HUWE1: variants seen among roughly 807,000 people sequenced by gnomAD.
HUWE1 encodes the protein E3 ubiquitin-protein ligase HUWE1.
HUWE1 carries 18 observed loss-of-function variants against 299.4 expected under a neutral mutation model. That is an observed-to-expected ratio of 0.06 (90% confidence interval 0.04 to 0.09). The LOEUF (loss-of-function observed/expected upper bound fraction) is 0.09. Ranked by LOEUF, HUWE1 falls within the 10% of genes least tolerant of loss-of-function variation. The pLI, the probability that HUWE1 is intolerant of heterozygous loss-of-function variation, is 1.00. For synonymous variants in HUWE1, 1,317 were observed against 1,286.1 expected, an observed-to-expected ratio of 1.02 and a Z score of -0.51; for missense variants, 1,832 against 3,462.3, an observed-to-expected ratio of 0.53 and a Z score of 11.82.
rs782755235 is a variant in HUWE1, at chrX:53,645,331, G to A, written c.484C>T (p.Arg162Trp). The change falls in exon 7 of 84, where the codon CGG (arginine) becomes TGG (tryptophan). Residue 162 changes from arginine to tryptophan, a missense_variant. Arg to Trp is a moderately radical substitution (Grantham distance 101). Around this residue, in one of 15 missense-constraint regions of HUWE1, gnomAD observed 658 missense variants for 1,282.6 expected, o/e 0.51. Transcript: ENST00000262854. ...CTCACCTCTGCCAAATGTTGTAGCC[G>A]AGTTAGCAGCGGGGTCCTCTTGTCA... The part of the protein sequence containing the change: ...GSDKRTPLLT[R>W]LQHLAESWGG... 1 of 1,211,045 alleles carries A rather than the reference G, an allele frequency of 8.3e-7. No individual in the cohort carries two copies. Among genetic ancestry groups the A allele is most frequent in the Admixed American group, 2.2e-5 (1 of 45,914 alleles).
intron 25 of HUWE1, among the ~76,000 whole-genome samples, chrX:53,606,861 T>C (rs2065179505): frequency 1.8e-5 from 2 of 111,572 alleles, no homozygotes; most frequent in Non-Finnish European, 3.8e-5. Flanking sequence ...AATTTCATTT[T>C]TGCAAGATGA....
intron 4 of HUWE1, 35 bp downstream of exon 4, chrX:53,654,028 G>GA: frequency 9.4e-7 from 1 of 1,063,703 alleles, no homozygotes; most frequent in Non-Finnish European, 1.3e-6. Flanking sequence ...TTTTAATGAA[G>GA]AAAAAATAAG....
intron 7 of HUWE1, among the ~76,000 whole-genome samples, chrX:53,644,424 T>C (rs1313316071): frequency 4.5e-5 from 5 of 111,902 alleles, no homozygotes; most frequent in Non-Finnish European, 9.4e-5. Flanking sequence ...AACCTCCTTG[T>C]GGTTTTTAAT....
At chrX:53,541,831 A>G (rs1247403253) in intron 74 of HUWE1, among the ~76,000 whole-genome samples, 1 of 111,858 alleles carries the variant, frequency 8.9e-6, no homozygotes, top group East Asian at 2.8e-4. Context: ...ATGTTACTGT[A>G]TCTTAGCTTA....
In HUWE1 at chrX:53,554,661, C is replaced by T. The variant is rs369011487; in HGVS notation, c.8466G>A (p.Gln2822=). The T allele has an allele frequency of 8.3e-7, 1 of 1,211,291 alleles. No individual in the cohort carries two copies. Among genetic ancestry groups the T allele is most frequent in the Non-Finnish European group, 1.1e-6 (1 of 895,353 alleles). Residue 2822 remains glutamine, a synonymous_variant, in exon 61 of 84, where the codon CAG becomes CAA. Coordinates refer to ENST00000262854, the MANE Select transcript of HUWE1 (RefSeq NM_031407.7). ...TAGTGGGAGCTGGGGATAACTCCAT[C>T]TGAGTTGTTTCTGCTTCCCCACTTG... is the stretch of plus-strand genomic sequence containing the variant. ...TRPSGEAETT[Q]MELSPAPTIT...
At chrX:53,584,661 T>G (rs2063774967) in intron 40 of HUWE1, among the ~76,000 whole-genome samples, 1 of 111,665 alleles carries the variant, frequency 9.0e-6, no homozygotes, top group Admixed American at 9.4e-5. Context: ...GTCTAATCAA[T>G]GACCTTAGGA....
intron 7 of HUWE1, among the ~76,000 whole-genome samples, chrX:53,640,577 G>T (rs2067521896): frequency 9.0e-6 from 1 of 111,678 alleles, no homozygotes; most frequent in African/African-American, 3.3e-5. Flanking sequence ...ACCAAAGGCT[G>T]CAATGTACTG....
intron 4 of HUWE1, 49 bp downstream of exon 4, chrX:53,654,014 T>A (rs112961003): frequency 9.6e-6 from 9 of 941,757 alleles, no homozygotes; most frequent in Middle Eastern, 7.2e-4. Context: ...AATATTTTTT[T>A]ATTTTTTAAT....
chrX:53,570,796 G>A (rs1238141849), intron 47 of HUWE1, among the ~76,000 whole-genome samples: 1 of 111,975 alleles, frequency 8.9e-6, no homozygotes, highest in Non-Finnish European at 1.9e-5. Context: ...GCACAACACT[G>A]CGAATGTACT....
Position 53,647,550 on chromosome X carries a change from G to A in HUWE1, c.169C>T (p.Leu57=), listed in dbSNP as rs2068137214. The change falls in exon 6 of 84, where the codon CTG becomes TTG. Residue 57 remains leucine, a synonymous_variant. Coordinates refer to ENST00000262854, the MANE Select transcript of HUWE1 (RefSeq NM_031407.7). Reference sequence around the variant, plus strand: ...AGTATTCCATCGAAGCGGTCCAACAGGTCCACCCAGTGATATAACTCGCAC... The same window carrying A: ...AGTATTCCATCGAAGCGGTCCAACAAGTCCACCCAGTGATATAACTCGCAC... The part of the protein sequence containing the change: ...GKCELYHWVD[L]LDRFDGILAD... The A allele has an allele frequency of 4.1e-6, 5 of 1,206,060 alleles. No homozygotes were observed. In the South Asian group the frequency reaches 7.0e-5, roughly 17 times the overall value.
intron 55 of HUWE1, 37 bp downstream of exon 55, chrX:53,561,719 C>CA: frequency 7.4e-6 from 9 of 1,210,019 alleles, no homozygotes; most frequent in Non-Finnish European, 1.0e-5. Context: ...GTATAAGAAT[C>CA]AAGAGAGAAA....
At position 53,593,386 on chromosome X, in the gene HUWE1, C is replaced by T. The variant is rs781998378; in HGVS notation, c.3719G>A (p.Arg1240His). The change falls in exon 32 of 84, where the codon CGC becomes CAC. Residue 1240 changes from arginine (R) to histidine (H), a missense_variant. By Grantham distance (29) the Arg-to-His change is conservative. Coordinates refer to ENST00000262854, the MANE Select transcript of HUWE1 (RefSeq NM_031407.7). ...CACTTTCTGAGTTACCACAAGGAAG[C>T]GCAGTGCACTGAACTGGGGAAAGTT... The part of the protein sequence containing the change: ...VQNFPQFSAL[R>H]FLVVTQKAAF... 5.0e-6 allele frequency: 6 copies of T among 1,195,637 alleles called. No individual in the cohort carries two copies. The highest frequency in any genetic ancestry group is 1.8e-5 in the South Asian group (1 of 56,455).
intron 48 of HUWE1, 33 bp from the exon 49 acceptor site, chrX:53,568,907 G>A: frequency 8.9e-7 from 1 of 1,125,708 alleles, no homozygotes; most frequent in Non-Finnish European, 1.2e-6. Flanking sequence ...TCTATCATAT[G>A]AATATAGCCA....
rs1556943397 is a variant in HUWE1, at chrX:53,563,875, G to A, written c.7030-54C>T. On this transcript the variant is annotated intron_variant, in intron 51 of 83. Transcript: ENST00000262854. ...TGCACACAAGTCTATCATTGTGCTA[G>A]CACCGAAACCCTAAAAAAGGCCAGC... The A allele has an allele frequency of 2.6e-6, 3 of 1,147,394 alleles. No individual in the cohort carries two copies. The African/African-American group carries it at 5.4e-5, about 20-fold the overall frequency. The allele number at this position is 1,147,394 out of a possible 1,213,427, so 94.6% of individuals were successfully genotyped here.
In HUWE1 at chrX:53,593,464, G is replaced by A. The variant is rs782621365; in HGVS notation, c.3641C>T (p.Thr1214Met). 9.1e-6 allele frequency: 11 copies of A among 1,208,781 alleles called. No homozygotes were observed. Among genetic ancestry groups the A allele is most frequent in the South Asian group, 7.0e-5 (4 of 56,780 alleles). ...CAGCGAATGTGGAGATTCAAGCACC[G>A]TGGTGGGATTCACCATCTTCTCCAC... ...MLVEKMVNPT[T>M]VLESPHSLPA... Residue 1214 changes from threonine (T) to methionine (M), a missense_variant, in exon 32 of 84, where the codon ACG becomes ATG. Physicochemically the swap from Thr to Met is moderately conservative, Grantham distance 81. Around this residue, in one of 15 missense-constraint regions of HUWE1, gnomAD observed 658 missense variants for 1,282.6 expected, o/e 0.51. Transcript: ENST00000262854.
chrX:53,633,697 TTG>T (rs1411888356), intron 8 of HUWE1, among the ~76,000 whole-genome samples: 4 of 112,530 alleles, frequency 3.6e-5, no homozygotes, highest in African/African-American at 1.3e-4. Flanking sequence ...GAAAATCAAA[TTG>T]TGTTTTGTAG....
intron 45 of HUWE1, 70 bp downstream of exon 45, chrX:53,575,573 C>T (rs2063063949): frequency 9.6e-7 from 1 of 1,039,962 alleles, no homozygotes; most frequent in African/African-American, 1.9e-5. Context: ...CGGGGATAGC[C>T]CTAAATACTG....
rs17174096 is a variant in HUWE1 at position 53,650,597 on chromosome X, T to C, written c.46-2287A>G. Among the ~76,000 whole-genome samples the C allele has an allele frequency of 6.6e-3, 742 of 112,490 alleles. 8 individuals carry two copies. Among genetic ancestry groups the C allele is most frequent in the African/African-American group, 0.023 (712 of 30,991 alleles). On this transcript the variant is annotated intron_variant, in intron 4 of 83. Transcript: ENST00000262854. ...ACAACGTTAAGATATAAGAAAGCAT[T>C]TGCCAGTTCGATAGCTCAATAACAA...
chrX:53,656,050 G>C (rs781927606), intron 3 of HUWE1, among the ~76,000 whole-genome samples: 2 of 111,232 alleles, frequency 1.8e-5, no homozygotes, highest in Admixed American at 1.9e-4. Context: ...CTGCACTCCA[G>C]CCTGGGCAAC....
Sources: allele counts gnomAD v4.1 joint callset (sites outside exome capture counted in the v4.1 genomes callset), GRCh38; gene constraint gnomAD v4.1.1; regional missense constraint gnomAD v4.1.1; transcripts MANE v1.5; gene names NCBI Gene and HGNC (gene_info 2026-07-23, HGNC 2026-07-21).